BNC2: variants seen among roughly 807,000 people sequenced by gnomAD.
BNC2 encodes the protein basonuclin zinc finger protein 2.
BNC2 carries 20 observed loss-of-function variants against 76.3 expected under a neutral mutation model. The ratio of observed to expected loss-of-function variants is 0.26; its 90% CI spans 0.18 to 0.38. The LOEUF is 0.38. Among genes scored for constraint, BNC2 ranks in the 10% least tolerant of loss-of-function variants. BNC2 has a pLI of 1.00. For missense variants in BNC2, 1,382 were observed against 1,399.8 expected (o/e 0.99, Z 0.20); for synonymous variants, 582 against 514.8 (o/e 1.13, Z -1.77).
intron 5 of BNC2, among the ~76,000 whole-genome samples, chr9:16,468,471 C>G (rs1055430619): frequency 6.6e-6 from 1 of 152,032 alleles, no homozygotes; most frequent in Non-Finnish European, 1.5e-5. Context: ...TCTCGGCTCA[C>G]TGCAACCTCT....
At chr9:16,728,760 A>C (rs987276663) in intron 2 of BNC2, among the ~76,000 whole-genome samples, 4 of 152,076 alleles carry the variant, frequency 2.6e-5, no homozygotes, top group African/African-American at 9.7e-5. Context: ...TAGAAGATGC[A>C]CAATAAACAT....
intron 1 of BNC2, among the ~76,000 whole-genome samples, chr9:16,801,374 T>A (rs1349587919): frequency 6.6e-6 from 1 of 151,632 alleles, no homozygotes; most frequent in East Asian, 1.9e-4. Context: ...GCCTGCCGAG[T>A]AGCTGGGACG....
At chr9:16,825,006 T>C (rs1483470562) in intron 1 of BNC2, among the ~76,000 whole-genome samples, 1 of 151,530 alleles carries the variant, frequency 6.6e-6, no homozygotes, top group Non-Finnish European at 1.5e-5. Context: ...ACCCCAGATG[T>C]GTTCCTTCAA....
intron 4 of BNC2, among the ~76,000 whole-genome samples, chr9:16,581,255 C>A (rs1186564039): frequency 6.6e-6 from 1 of 152,096 alleles, no homozygotes; most frequent in Admixed American, 6.6e-5. Flanking sequence ...TAGAGGAAAT[C>A]TGGATGCACA....
chr9:16,736,233 GAAAGA>G (rs1824665053), intron 2 of BNC2, among the ~76,000 whole-genome samples: 1 of 148,444 alleles, frequency 6.7e-6, no homozygotes, highest in African/African-American at 2.5e-5. Flanking sequence ...AAAAAGGAAA[GAAAGA>G]AAAAAGAAAA....
intron 3 of BNC2, among the ~76,000 whole-genome samples, chr9:16,612,366 C>T (rs528686455): frequency 6.6e-6 from 1 of 152,128 alleles, no homozygotes; most frequent in African/African-American, 2.4e-5. Flanking sequence ...TCTCACACAC[C>T]CACCCCTTCC....
chr9:16,708,848 A>G (rs1344566550), intron 3 of BNC2, among the ~76,000 whole-genome samples: 1 of 152,170 alleles, frequency 6.6e-6, no homozygotes, highest in Non-Finnish European at 1.5e-5. Flanking sequence ...CAGCGCTTTA[A>G]CAAATCAATG....
At chr9:16,485,412 C>G (rs758437594) in intron 5 of BNC2, among the ~76,000 whole-genome samples, 1 of 152,138 alleles carries the variant, frequency 6.6e-6, no homozygotes, top group Admixed American at 6.5e-5. Context: ...TACTCAAAAA[C>G]CTGTTTTGTG....
At chr9:16,784,834 T>C (rs1804944217) in intron 1 of BNC2, among the ~76,000 whole-genome samples, 1 of 152,138 alleles carries the variant, frequency 6.6e-6, no homozygotes, top group African/African-American at 2.4e-5. Flanking sequence ...GGAGCAATAA[T>C]AATGAGACTT....
rs34314862 is a variant in BNC2, at chr9:16,748,922, C to CTATATATATATA, written c.4-10449_4-10438dup. 9.0e-3 allele frequency among the ~76,000 whole-genome samples: 1,168 copies of CTATATATATATA among 130,346 alleles called. 12 individuals carry two copies. The highest frequency in any genetic ancestry group is 0.031 in the African/African-American group (1,001 of 32,218). 85.5% of individuals were successfully genotyped at this position (130,346 alleles called of 152,430 possible). On this transcript the variant is annotated intron_variant, in intron 1 of 6. Transcript: ENST00000380672. The stretch of plus-strand genomic sequence containing the variant: ...TCTGTACTTTTTTTCACTTTTTATA[C>CTATATATATATA]TATATATATATATATATATATATAT...
intron 3 of BNC2, among the ~76,000 whole-genome samples, chr9:16,596,691 A>T (rs543264449): frequency 6.6e-6 from 1 of 152,252 alleles, no homozygotes; most frequent in Non-Finnish European, 1.5e-5. Flanking sequence ...CTGGCCAACG[A>T]TTATACAGCC....
chr9:16,467,479 A>C (rs1472076835), intron 5 of BNC2, among the ~76,000 whole-genome samples: 1 of 132,610 alleles, frequency 7.5e-6, no homozygotes, highest in Non-Finnish European at 1.6e-5. Flanking sequence ...TGGCACATAT[A>C]CACCATGGAA....
rs543008271 is a variant in BNC2 at position 16,458,274 on chromosome 9, A to G, written c.670-20750T>C. Among the ~76,000 whole-genome samples, 13 of 152,288 alleles carry G rather than the reference A, an allele frequency of 8.5e-5. No homozygotes were observed. In the East Asian group the frequency reaches 2.5e-3, roughly 29 times the overall value. ...ATCAAATGAGTATTTAATATATCAA[A>G]AGTTATTTATTGGAAGATGCAACTA... is the stretch of plus-strand genomic sequence containing the variant. On this transcript the variant is annotated intron_variant, in intron 5 of 6. Coordinates refer to ENST00000380672, the MANE Select transcript of BNC2 (RefSeq NM_017637.6).
rs904178747 is a variant in BNC2 at position 16,707,330 on chromosome 9, A to C, written c.330+20467T>G. ...GAAGTTACTAGAGTAAAACCCAGTA[A>C]AATTGAAGGAAGAATCAAGTGATGC... is the stretch of plus-strand genomic sequence containing the variant. On this transcript the variant is annotated intron_variant, in intron 3 of 6. Coordinates refer to ENST00000380672, the MANE Select transcript of BNC2 (RefSeq NM_017637.6). Among the ~76,000 whole-genome samples the C allele has an allele frequency of 5.9e-5, 9 of 152,242 alleles. No homozygotes were observed. In the South Asian group the frequency reaches 1.9e-3, roughly 31 times the overall value.
intron 5 of BNC2, among the ~76,000 whole-genome samples, chr9:16,471,760 G>A (rs1563799489): frequency 6.6e-6 from 1 of 152,092 alleles, no homozygotes; most frequent in Non-Finnish European, 1.5e-5. Context: ...ATTTGGAGGG[G>A]CCAGGTGCAG....
chr9:16,645,356 C>T (rs564828699), intron 3 of BNC2, among the ~76,000 whole-genome samples: 1 of 152,316 alleles, frequency 6.6e-6, no homozygotes, highest in Non-Finnish European at 1.5e-5. Context: ...TGCCTTTTCA[C>T]ATGTTCTAAG....
intron 3 of BNC2, among the ~76,000 whole-genome samples, chr9:16,660,454 C>CA (rs545256437): frequency 0.11 from 13,200 of 122,070 alleles, 1,293 homozygotes; most frequent in African/African-American, 0.27. Context: ...AAGTCCATCT[C>CA]AAAAAAAAAA....
At chr9:16,496,582 A>G (rs548950892) in intron 5 of BNC2, among the ~76,000 whole-genome samples, 3 of 152,230 alleles carry the variant, frequency 2.0e-5, no homozygotes, top group South Asian at 4.1e-4. Flanking sequence ...CAGACATCTA[A>G]GGTTTAAATC....
At position 16,766,920 on chromosome 9, in the gene BNC2, G is replaced by C. The variant is rs534180543; in HGVS notation, c.4-28435C>G. ...CCCCTACCCAGTTTTATGGAGTAAA[G>C]ATGAACCAAAGAGAGGAAAGAGGGA... On this transcript the variant is annotated intron_variant, in intron 1 of 6. Coordinates refer to ENST00000380672, the MANE Select transcript of BNC2 (RefSeq NM_017637.6). Among the ~76,000 whole-genome samples the C allele has an allele frequency of 7.2e-5, 11 of 152,332 alleles. No homozygotes were observed. The South Asian group carries it at 2.3e-3, about 32-fold the overall frequency.
Sources: allele counts gnomAD v4.1 joint callset (sites outside exome capture counted in the v4.1 genomes callset), GRCh38; gene constraint gnomAD v4.1.1; transcripts MANE v1.5; gene names NCBI Gene and HGNC (gene_info 2026-07-23, HGNC 2026-07-21).